SIPA1L2: variants seen among roughly 807,000 people sequenced by gnomAD.
SIPA1L2 encodes signal induced proliferation associated 1 like 2, also known as signal-induced proliferation-associated 1-like protein 2.
A neutral mutation model predicts 163.9 loss-of-function variants in SIPA1L2; 56 were observed. The ratio of observed to expected loss-of-function variants is 0.34; its 90% CI spans 0.28 to 0.43. The LOEUF is 0.43. Ranked by LOEUF, SIPA1L2 falls within the 20% of genes least tolerant of loss-of-function variation. The pLI is 1.00. For synonymous variants in SIPA1L2, 877 were observed against 865.7 expected, an observed-to-expected ratio of 1.01 and a Z score of -0.23; for missense variants, 1,974 against 2,193.5, an observed-to-expected ratio of 0.90 and a Z score of 2.00.
rs549051388 is a variant in SIPA1L2 at position 232,426,592 on chromosome 1, G to A, written c.4411-784C>T. Among the ~76,000 whole-genome samples, 40 of 152,204 alleles carry A rather than the reference G, an allele frequency of 2.6e-4. 1 individual carries two copies. The highest frequency in any genetic ancestry group is 9.1e-4 in the African/African-American group (38 of 41,536). ...GGAGAATGGCATGAACCTGGGAGGC[G>A]GAGCTTGCAGTGAGCCGAGATCGTG... On this transcript the variant is annotated intron_variant, in intron 17 of 22. Transcript: ENST00000674635.
intron 10 of SIPA1L2, among the ~76,000 whole-genome samples, chr1:232,459,515 T>TTTA: frequency 6.6e-6 from 1 of 152,272 alleles, no homozygotes; most frequent in East Asian, 1.9e-4. Flanking sequence ...TAAAGTTTTA[T>TTTA]TTATTATTAT....
intron 2 of SIPA1L2, among the ~76,000 whole-genome samples, chr1:232,561,819 G>A (rs1292252903): frequency 6.6e-6 from 1 of 152,188 alleles, no homozygotes; most frequent in Admixed American, 6.5e-5. Context: ...CAAAATGCAG[G>A]AGCAGGAGAG....
rs202195815 is a variant in SIPA1L2 at position 232,572,777 on chromosome 1, A to ATATT, written c.-270+1393_-270+1396dup. ...TATATATATATATATATATATATAT[A>ATATT]TATTTATTTATTTATTTTTTCCTTG... On this transcript the variant is annotated intron_variant, in intron 2 of 22. Coordinates refer to ENST00000674635, the MANE Select transcript of SIPA1L2 (RefSeq NM_020808.5). Among the ~76,000 whole-genome samples, 19 of 72,026 alleles carry ATATT rather than the reference A, an allele frequency of 2.6e-4. No homozygotes were observed. In the East Asian group the frequency reaches 2.9e-3, roughly 11 times the overall value. 47.3% of individuals were successfully genotyped at this position (72,026 alleles called of 152,430 possible). A position where few individuals can be genotyped will look rare whatever the true frequency, so the allele number is the denominator to read the frequency against.
chr1:232,446,833 A>G (rs1663245994), intron 10 of SIPA1L2, among the ~76,000 whole-genome samples: 2 of 152,262 alleles, frequency 1.3e-5, no homozygotes, highest in South Asian at 4.1e-4. Flanking sequence ...CATTGCCCAC[A>G]GAGCAGACGC....
At chr1:232,572,544 A>G (rs1454463525) in intron 2 of SIPA1L2, among the ~76,000 whole-genome samples, 2 of 151,192 alleles carry the variant, frequency 1.3e-5, no homozygotes, top group Non-Finnish European at 2.9e-5. Context: ...GATTTTCACA[A>G]TTTCACCACT....
chr1:232,533,941 A>G (rs1657143890), intron 2 of SIPA1L2, among the ~76,000 whole-genome samples: 1 of 152,234 alleles, frequency 6.6e-6, no homozygotes, highest in Admixed American at 6.5e-5. Context: ...AAAACGTAAT[A>G]CTTTTAAAAT....
intron 10 of SIPA1L2, among the ~76,000 whole-genome samples, chr1:232,446,819 G>T (rs930255769): frequency 1.3e-5 from 2 of 152,230 alleles, no homozygotes; most frequent in African/African-American, 4.8e-5. Flanking sequence ...TCCCTCCATA[G>T]TCACATTGCC....
chr1:232,450,576 T>G (rs920736667), intron 10 of SIPA1L2, among the ~76,000 whole-genome samples: 1 of 152,238 alleles, frequency 6.6e-6, no homozygotes, highest in African/African-American at 2.4e-5. Flanking sequence ...TGTAACTGAC[T>G]ACCATTGAAG....
At chr1:232,400,306 A>C (rs1405602020) in intron 22 of SIPA1L2, among the ~76,000 whole-genome samples, 1 of 152,166 alleles carries the variant, frequency 6.6e-6, no homozygotes, top group Non-Finnish European at 1.5e-5. Context: ...AGCTCAGCAC[A>C]TCTCTGCTGC....
intron 5 of SIPA1L2, among the ~76,000 whole-genome samples, chr1:232,488,079 A>G (rs191280785): frequency 6.6e-6 from 1 of 151,894 alleles, no homozygotes; most frequent in East Asian, 1.9e-4. Context: ...CAGCCTCCCT[A>G]GTAGCTGAGA....
At chr1:232,471,050 A>G (rs1267793326) in intron 8 of SIPA1L2, among the ~76,000 whole-genome samples, 1 of 152,198 alleles carries the variant, frequency 6.6e-6, no homozygotes, top group Non-Finnish European at 1.5e-5. Context: ...TACTGCCACT[A>G]TACTTACTTC....
At chr1:232,579,156 C>T (rs1026326137) in intron 1 of SIPA1L2, among the ~76,000 whole-genome samples, 1 of 152,196 alleles carries the variant, frequency 6.6e-6, no homozygotes, top group Non-Finnish European at 1.5e-5. Context: ...CAGCTGTTTT[C>T]TCCGCAAAAG....
chr1:232,530,638 C>T (rs533567632), intron 2 of SIPA1L2, among the ~76,000 whole-genome samples: 2 of 152,164 alleles, frequency 1.3e-5, no homozygotes, highest in African/African-American at 4.8e-5. Flanking sequence ...AATCTGACTA[C>T]ACATTTTTAA....
intron 3 of SIPA1L2, among the ~76,000 whole-genome samples, chr1:232,508,707 C>T (rs930247265): frequency 8.5e-5 from 13 of 152,226 alleles, no homozygotes; most frequent in Non-Finnish European, 1.3e-4. Context: ...ATGTGACAAA[C>T]GGCACCAATG....
chr1:232,570,978 G>A (rs576491616), intron 2 of SIPA1L2, among the ~76,000 whole-genome samples: 55 of 149,180 alleles, frequency 3.7e-4, no homozygotes, highest in Admixed American at 1.9e-3. Context: ...CTAAACTTAG[G>A]GAGAGACTGA....
At chr1:232,554,441 T>TA (rs1658580872) in intron 2 of SIPA1L2, among the ~76,000 whole-genome samples, 1 of 152,242 alleles carries the variant, frequency 6.6e-6, no homozygotes, top group Non-Finnish European at 1.5e-5. Context: ...TTAACAAACT[T>TA]ACTTTATCCA....
At chr1:232,569,597 G>A (rs922614596) in intron 2 of SIPA1L2, among the ~76,000 whole-genome samples, 4 of 152,168 alleles carry the variant, frequency 2.6e-5, no homozygotes, top group African/African-American at 9.7e-5. Flanking sequence ...CGAATCACCC[G>A]AGGTGAGGAG....
At chr1:232,428,589 A>T in intron 16 of SIPA1L2, 25 bp from the exon 17 acceptor site, 1 of 1,477,414 alleles carries the variant, frequency 6.8e-7, no homozygotes, top group Non-Finnish European at 9.0e-7. Context: ...CAGAATGGAA[A>T]TTAAGCCTAT....
chr1:232,614,036 A>G (rs1273647532), intron 1 of SIPA1L2, among the ~76,000 whole-genome samples: 1 of 152,132 alleles, frequency 6.6e-6, no homozygotes, highest in Non-Finnish European at 1.5e-5. Context: ...TCTTCCCACA[A>G]AGACATGAAC....
Sources: gnomAD v4.1 joint callset for allele counts (sites outside exome capture counted in the v4.1 genomes callset) on GRCh38, gnomAD v4.1.1 for gene constraint, MANE v1.5 for transcripts, NCBI Gene and HGNC (gene_info 2026-07-23, HGNC 2026-07-21) for gene names.